DLGAP2: variants seen among roughly 807,000 people sequenced by gnomAD.
DLGAP2 encodes the protein DLG associated protein 2.
DLGAP2 carries 26 observed loss-of-function variants against 100.3 expected under a neutral mutation model. The ratio of observed to expected loss-of-function variants is 0.26; its 90% CI spans 0.19 to 0.36. The LOEUF is 0.36. DLGAP2 is among the 10% of genes least tolerant of loss of function. DLGAP2 has a pLI of 1.00. For synonymous variants in DLGAP2, 886 were observed against 630.1 expected (o/e 1.41, Z -6.08); for missense variants, 1,858 against 1,453.2 (o/e 1.28, Z -4.53).
At position 1,116,293 on chromosome 8, in the gene DLGAP2, C is replaced by T. The variant is rs952434785; in HGVS notation, c.74-142558C>T. Among the ~76,000 whole-genome samples, 3 of 152,184 alleles carry T rather than the reference C, an allele frequency of 2.0e-5. No individual in the cohort carries two copies. The South Asian group carries it at 6.2e-4, about 32-fold the overall frequency. ...AAGTGACTAAGGGTTACCGACCACC[C>T]TCCAAAGCACCAGCTGTGTCTCAGC... On this transcript the variant is annotated intron_variant, in intron 2 of 14. Coordinates refer to ENST00000637795, the MANE Select transcript of DLGAP2 (RefSeq NM_001346810.2).
chr8:1,003,883 C>T (rs1285659828), intron 2 of DLGAP2, among the ~76,000 whole-genome samples: 1 of 152,180 alleles, frequency 6.6e-6, no homozygotes, highest in Non-Finnish European at 1.5e-5. Flanking sequence ...GCCATACAGA[C>T]ATTTCTTACT....
At chr8:792,975 A>T (rs1215881111) in intron 1 of DLGAP2, among the ~76,000 whole-genome samples, 1 of 152,056 alleles carries the variant, frequency 6.6e-6, no homozygotes, top group African/African-American at 2.4e-5. Context: ...TGTCTTCCCC[A>T]CCCTTCCCCA....
At chr8:905,722 G>A (rs1347901762) in intron 1 of DLGAP2, among the ~76,000 whole-genome samples, 1 of 152,120 alleles carries the variant, frequency 6.6e-6, no homozygotes, top group Non-Finnish European at 1.5e-5. Context: ...TGCGGCATTT[G>A]AGGGGGGCGC....
intron 2 of DLGAP2, among the ~76,000 whole-genome samples, chr8:1,170,507 T>G (rs1218301973): frequency 1.3e-5 from 2 of 151,770 alleles, no homozygotes; most frequent in African/African-American, 2.4e-5. Context: ...TGAATCCATC[T>G]GGTCCTGGAC....
rs141213358 is a variant in DLGAP2 at position 1,426,241 on chromosome 8, G to C, written c.107-75125G>C. 1.7e-3 allele frequency among the ~76,000 whole-genome samples: 255 copies of C among 152,320 alleles called. 1 individual carries two copies. The highest frequency in any genetic ancestry group is 5.7e-3 in the African/African-American group (239 of 41,576). On this transcript the variant is annotated intron_variant, in intron 3 of 14. Transcript: ENST00000637795. ...CAAAATGATGAGAACAGAGGCAGATGTAAGTTAAGAACAGATGTCTATGAA... is the reference window on the plus strand; with the variant it reads ...CAAAATGATGAGAACAGAGGCAGATCTAAGTTAAGAACAGATGTCTATGAA...
chr8:858,250 G>C (rs988740680), intron 1 of DLGAP2, among the ~76,000 whole-genome samples: 1 of 152,254 alleles, frequency 6.6e-6, no homozygotes, highest in Non-Finnish European at 1.5e-5. Context: ...GAAGTGCTGA[G>C]AAGGAATGAT....
At chr8:1,265,500 G>A (rs1799432789) in intron 3 of DLGAP2, among the ~76,000 whole-genome samples, 2 of 152,106 alleles carry the variant, frequency 1.3e-5, no homozygotes, top group South Asian at 4.1e-4. Context: ...AATTAAATGA[G>A]AAATTAAAAA....
chr8:909,038 T>C (rs1451403199), intron 2 of DLGAP2, among the ~76,000 whole-genome samples: 1 of 152,096 alleles, frequency 6.6e-6, no homozygotes, highest in Non-Finnish European at 1.5e-5. Context: ...TTGAGAAAAA[T>C]ACAATCTTTA....
At chr8:841,350 G>T (rs745546352) in intron 1 of DLGAP2, among the ~76,000 whole-genome samples, 15 of 152,186 alleles carry the variant, frequency 9.9e-5, no homozygotes, top group Non-Finnish European at 1.8e-4. Flanking sequence ...GCCAGTGGGG[G>T]CCTCTTCACT....
At chr8:1,372,069 C>T (rs953120050) in intron 3 of DLGAP2, among the ~76,000 whole-genome samples, 1 of 152,238 alleles carries the variant, frequency 6.6e-6, no homozygotes, top group East Asian at 1.9e-4. Flanking sequence ...ACTGCTCAGG[C>T]ACCTGCCAGG....
In DLGAP2 at chr8:939,886, A is replaced by G. The variant is rs188869527; in HGVS notation, c.73+31920A>G. Reference sequence around the variant, plus strand: ...TGCAGACACAGGGGCTGGGGTGCCCACTCGGAGGCCCCAGGCTGCGGTCCC... The same window carrying G: ...TGCAGACACAGGGGCTGGGGTGCCCGCTCGGAGGCCCCAGGCTGCGGTCCC... On this transcript the variant is annotated intron_variant, in intron 2 of 14. Transcript: ENST00000637795. 1.8e-3 allele frequency among the ~76,000 whole-genome samples: 263 copies of G among 147,856 alleles called. 2 individuals carry two copies. Among genetic ancestry groups the G allele is most frequent in the African/African-American group, 6.4e-3 (252 of 39,618 alleles).
At chr8:1,670,139 T>G (rs1450048993) in intron 10 of DLGAP2, among the ~76,000 whole-genome samples, 2 of 152,236 alleles carry the variant, frequency 1.3e-5, no homozygotes, top group Non-Finnish European at 2.9e-5. Flanking sequence ...CTCTCTTTTC[T>G]CCTCAGCCAC....
chr8:908,748 G>A (rs746230033), intron 2 of DLGAP2, among the ~76,000 whole-genome samples: 9 of 152,160 alleles, frequency 5.9e-5, no homozygotes, highest in South Asian at 2.1e-4. Flanking sequence ...TGCCTCTTTC[G>A]TGTGAGGGGC....
chr8:817,571 G>A lies in DLGAP2; in HGVS notation c.18+79746G>A, dbSNP rs144352719. On this transcript the variant is annotated intron_variant, in intron 1 of 14. Coordinates refer to ENST00000637795, the MANE Select transcript of DLGAP2 (RefSeq NM_001346810.2). ...TCCTGTTACCAGAATTGTTTTTCTG[G>A]TTCCTTCTCATTTGGGTAGACTACA... 9.9e-3 allele frequency among the ~76,000 whole-genome samples: 1,510 copies of A among 152,226 alleles called. 25 individuals carry two copies. Among genetic ancestry groups the A allele is most frequent in the African/African-American group, 0.035 (1,444 of 41,536 alleles).
intron 4 of DLGAP2, among the ~76,000 whole-genome samples, chr8:1,537,784 A>C (rs73674404): frequency 0.02 from 2,885 of 141,062 alleles, 90 homozygotes; most frequent in African/African-American, 0.07. Context: ...GAAGGAAGGA[A>C]GGACAAATGG....
chr8:1,698,934 CT>C (rs1417697546), intron 14 of DLGAP2, among the ~76,000 whole-genome samples: 9 of 150,884 alleles, frequency 6.0e-5, no homozygotes, highest in Non-Finnish European at 8.9e-5. Context: ...CTAGGCAGGT[CT>C]GCATAAGCCA....
At chr8:1,336,764 C>A (rs961046777) in intron 3 of DLGAP2, among the ~76,000 whole-genome samples, 1 of 152,200 alleles carries the variant, frequency 6.6e-6, no homozygotes, top group African/African-American at 2.4e-5. Flanking sequence ...AAGCAGTGGG[C>A]TCCTCTCACC....
intron 1 of DLGAP2, among the ~76,000 whole-genome samples, chr8:850,920 T>A (rs1195342003): frequency 6.6e-6 from 1 of 152,166 alleles, no homozygotes; most frequent in African/African-American, 2.4e-5. Context: ...TCTCTCTGTT[T>A]TCACTTTTGA....
At position 1,430,668 on chromosome 8, in the gene DLGAP2, T is replaced by G. The variant is rs568912617; in HGVS notation, c.107-70698T>G. The stretch of plus-strand genomic sequence containing the variant: ...ATTGAGAGGAGTTTGTGACCTGCCT[T>G]TCATACTTTCTTGAAGAAAAATTAA... On this transcript the variant is annotated intron_variant, in intron 3 of 14. Coordinates refer to ENST00000637795, the MANE Select transcript of DLGAP2 (RefSeq NM_001346810.2). Among the ~76,000 whole-genome samples, 105 of 152,352 alleles carry G rather than the reference T, an allele frequency of 6.9e-4. 1 individual carries two copies. The South Asian group carries it at 0.021, about 30-fold the overall frequency.
Sources: gnomAD v4.1 joint callset for allele counts (sites outside exome capture counted in the v4.1 genomes callset) on GRCh38, gnomAD v4.1.1 for gene constraint, MANE v1.5 for transcripts, NCBI Gene and HGNC (gene_info 2026-07-23, HGNC 2026-07-21) for gene names.